Variants in ZFHX3 observed in about 807,000 individuals in gnomAD.
ZFHX3 encodes the protein zinc finger homeobox protein 3.
In ZFHX3, 42 loss-of-function variants were observed where a neutral mutation model predicts 279.1. The ratio of observed to expected loss-of-function variants is 0.15; its 90% confidence interval spans 0.12 to 0.19. The LOEUF is 0.19. Ranked by LOEUF, ZFHX3 falls within the 10% of genes least tolerant of loss-of-function variation. ZFHX3 has a pLI of 1.00. For synonymous variants in ZFHX3, 2,293 were observed against 1,957.8 expected (o/e 1.17, Z -4.52); for missense variants, 4,981 against 4,754.0 (o/e 1.05, Z -1.40).
intron 3 of ZFHX3, among the ~76,000 whole-genome samples, chr16:72,915,428 T>C (rs931111195): frequency 6.6e-6 from 1 of 152,098 alleles, no homozygotes; most frequent in Non-Finnish European, 1.5e-5. Flanking sequence ...TGCTCCAACC[T>C]GTCCACCCAA....
intron 1 of ZFHX3, among the ~76,000 whole-genome samples, chr16:72,983,752 G>T (rs1962724135): frequency 6.6e-6 from 1 of 151,458 alleles, no homozygotes; most frequent in African/African-American, 2.4e-5. Flanking sequence ...TTAAGCCATT[G>T]CTCCATGCAA....
chr16:73,811,653 G>T (rs1410255497), intron 1 of ZFHX3, among the ~76,000 whole-genome samples: 1 of 151,922 alleles, frequency 6.6e-6, no homozygotes, highest in Non-Finnish European at 1.5e-5. Flanking sequence ...CACCATGTTG[G>T]CCAGGCTGGT....
chr16:73,339,658 A>G (rs188376840), intron 3 of ZFHX3, among the ~76,000 whole-genome samples: 9 of 152,326 alleles, frequency 5.9e-5, no homozygotes, highest in African/African-American at 1.7e-4. Flanking sequence ...AACCATTGAG[A>G]TAAGCCAACT....
At chr16:73,551,678 T>A (rs1307215578) in intron 2 of ZFHX3, among the ~76,000 whole-genome samples, 1 of 152,222 alleles carries the variant, frequency 6.6e-6, no homozygotes, top group East Asian at 1.9e-4. Context: ...CCATAAAGAT[T>A]ACATCTCATT....
intron 4 of ZFHX3, among the ~76,000 whole-genome samples, chr16:73,258,281 C>T (rs1663041467): frequency 6.6e-6 from 1 of 151,806 alleles, no homozygotes; most frequent in East Asian, 1.9e-4. Flanking sequence ...AAGATTTGAG[C>T]CCAGAATTAT....
rs567617895 is a variant in ZFHX3 at position 72,786,332 on chromosome 16, A to G, written c.*832T>C. On this transcript the variant is annotated 3_prime_UTR_variant, in exon 10 of 10. Coordinates refer to ENST00000268489, the MANE Select transcript of ZFHX3 (RefSeq NM_006885.4). ...CTCAACACCAAAAATGGTCATATCT[A>G]TCATAAATACAGAAAGTCAGTTTTT... 1.1e-4 allele frequency: 17 copies of G among 152,146 alleles called. No homozygotes were observed. The South Asian group carries it at 3.5e-3, about 32-fold the overall frequency. 9.4% of individuals were successfully genotyped at this position (152,146 alleles called of 1,614,324 possible). A position where few individuals can be genotyped will look rare whatever the true frequency, so the allele number is the denominator to read the frequency against.
At chr16:72,977,575 C>G (rs1962403185) in intron 1 of ZFHX3, among the ~76,000 whole-genome samples, 1 of 120,964 alleles carries the variant, frequency 8.3e-6, no homozygotes, top group Non-Finnish European at 1.8e-5. Context: ...TATTAGTTCC[C>G]TGTCGTGGGT....
At chr16:73,698,729 A>T (rs1039556078) in intron 1 of ZFHX3, among the ~76,000 whole-genome samples, 3 of 152,216 alleles carry the variant, frequency 2.0e-5, no homozygotes, top group African/African-American at 7.2e-5. Flanking sequence ...ATGGAAGTTA[A>T]GGCCTGAGGA....
intron 5 of ZFHX3, among the ~76,000 whole-genome samples, chr16:73,244,886 A>C (rs2013232586): frequency 1.3e-5 from 2 of 152,210 alleles, no homozygotes; most frequent in South Asian, 4.1e-4. Context: ...ATGTGAACAC[A>C]TGTGACATCC....
At chr16:72,826,772 T>C (rs993262718) in intron 5 of ZFHX3, among the ~76,000 whole-genome samples, 1 of 152,244 alleles carries the variant, frequency 6.6e-6, no homozygotes, top group Admixed American at 6.5e-5. Flanking sequence ...ATTTTCTCTC[T>C]GTCTTTTGGA....
chr16:73,770,157 G>T (rs1043754959), intron 1 of ZFHX3, among the ~76,000 whole-genome samples: 4 of 152,226 alleles, frequency 2.6e-5, no homozygotes, highest in African/African-American at 9.6e-5. Flanking sequence ...CTGGATGATT[G>T]CAATTGGTCC....
At chr16:72,945,580 C>T (rs1435734242) in intron 3 of ZFHX3, among the ~76,000 whole-genome samples, 1 of 152,156 alleles carries the variant, frequency 6.6e-6, no homozygotes, top group African/African-American at 2.4e-5. Context: ...TTCTAAATCA[C>T]CTGCAGGAAA....
Position 72,785,442 on chromosome 16 carries a change from A to G in ZFHX3, c.*1722T>C, listed in dbSNP as rs2035323478. 6.6e-6 allele frequency: 1 copy of G among 152,668 alleles called. No homozygotes were observed. The highest frequency in any genetic ancestry group is 2.4e-5 in the African/African-American group (1 of 41,470). 9.5% of individuals were successfully genotyped at this position (152,668 alleles called of 1,614,324 possible). ...GTGTCTTTTGGTATATGGAATTGTCATTAACATTTGCCTCTCTGCTTGCAG... is the reference window on the plus strand; with the variant it reads ...GTGTCTTTTGGTATATGGAATTGTCGTTAACATTTGCCTCTCTGCTTGCAG... On this transcript the variant is annotated 3_prime_UTR_variant, in exon 10 of 10. Coordinates refer to ENST00000268489, the MANE Select transcript of ZFHX3 (RefSeq NM_006885.4).
intron 4 of ZFHX3, among the ~76,000 whole-genome samples, chr16:73,295,484 T>G (rs532266922): frequency 6.6e-6 from 1 of 152,368 alleles, no homozygotes; most frequent in East Asian, 1.9e-4. Flanking sequence ...TCTCATTGGC[T>G]TTGAGAATTA....
chr16:73,174,123 C>CT (rs756527872), intron 5 of ZFHX3, among the ~76,000 whole-genome samples: 124 of 152,236 alleles, frequency 8.1e-4, no homozygotes, highest in Middle Eastern at 6.8e-3. Context: ...GGCGAGCCAC[C>CT]TTTTTTTCCT....
Position 72,788,195 on chromosome 16 carries a change from G to A in ZFHX3, c.10081C>T (p.Leu3361=), listed in dbSNP as rs1355836849. 1.2e-6 allele frequency: 2 copies of A among 1,612,624 alleles called. No individual in the cohort carries two copies. Among genetic ancestry groups the A allele is most frequent in the Non-Finnish European group, 1.7e-6 (2 of 1,179,082 alleles). Residue 3361 remains leucine (L), a synonymous_variant, in exon 10 of 10, where the codon CTG becomes TTG. Transcript: ENST00000268489. The part of the protein sequence containing the change: ...ALMGLSPGSL[L]QQYQQYQQSL... ...TGCTGGTATTGCTGGTACTGCTGCA[G>A]TAGGGAGCCTGGGGACAGCCCCATC...
At chr16:73,565,613 T>C (rs2020439834) in intron 2 of ZFHX3, among the ~76,000 whole-genome samples, 3 of 152,218 alleles carry the variant, frequency 2.0e-5, no homozygotes, top group African/African-American at 2.4e-5. Flanking sequence ...GTGTTCTAAA[T>C]ATATAAATGA....
At chr16:72,843,327 G>A (rs765284210) in intron 4 of ZFHX3, among the ~76,000 whole-genome samples, 31 of 151,994 alleles carry the variant, frequency 2.0e-4, no homozygotes, top group Middle Eastern at 3.4e-3. Flanking sequence ...TGGCTAACAC[G>A]GTGAAACCCC....
At chr16:73,249,269 C>T (rs1180469001) in intron 5 of ZFHX3, among the ~76,000 whole-genome samples, 1 of 152,116 alleles carries the variant, frequency 6.6e-6, no homozygotes, top group African/African-American at 2.4e-5. Flanking sequence ...CAAAAAGAGG[C>T]TATCAAAATA....
Sources: gnomAD v4.1 joint callset for allele counts (sites outside exome capture counted in the v4.1 genomes callset) on GRCh38, gnomAD v4.1.1 for gene constraint, MANE v1.5 for transcripts, NCBI Gene and HGNC (gene_info 2026-07-23, HGNC 2026-07-21) for gene names.